Variants in GRK3 observed in about 807,000 individuals in gnomAD.
GRK3 encodes adrenergic, beta, receptor kinase 2.
Under a neutral mutation model 95.7 loss-of-function variants are expected in GRK3, and 54 were observed. That is an observed-to-expected ratio of 0.56 (90% CI 0.45 to 0.71). GRK3 has a LOEUF of 0.71. Ranked by LOEUF, GRK3 falls within the 30% of genes least tolerant of loss-of-function variation. The pLI is 0.00. For missense variants in GRK3, 649 were observed against 851.2 expected (o/e 0.76, Z 2.96); for synonymous variants, 281 against 290.8 (o/e 0.97, Z 0.34).
At chr22:25,658,705 A>G (rs1328514179) in intron 3 of GRK3, among the ~76,000 whole-genome samples, 2 of 152,174 alleles carry the variant, frequency 1.3e-5, no homozygotes, top group African/African-American at 2.4e-5. Context: ...AGTTTGTGTT[A>G]TATTTTGAAT....
Position 25,697,656 on chromosome 22 carries a change from A to G in GRK3, c.1160+2442A>G, listed in dbSNP as rs186633830. ...CCGTCTTGTTGAAGGGATCATATGC[A>G]TGCTGTGTAACTCCAGAGGGATGCA... On this transcript the variant is annotated intron_variant, in intron 13 of 20. Coordinates refer to ENST00000324198, the MANE Select transcript of GRK3 (RefSeq NM_005160.4). Among the ~76,000 whole-genome samples, 4 of 152,220 alleles carry G rather than the reference A, an allele frequency of 2.6e-5. No individual in the cohort carries two copies. The South Asian group carries it at 8.3e-4, about 32-fold the overall frequency.
rs550166515 is a variant in GRK3 at position 25,638,618 on chromosome 22, A to G, written c.191-5974A>G. ...GGGTTATAGTTTTCCCTTGACTTTAATCACAGGCCATAGTAATAGTGGGGG... is the reference window on the plus strand; with the variant it reads ...GGGTTATAGTTTTCCCTTGACTTTAGTCACAGGCCATAGTAATAGTGGGGG... On this transcript the variant is annotated intron_variant, in intron 2 of 20. Coordinates refer to ENST00000324198, the MANE Select transcript of GRK3 (RefSeq NM_005160.4). Among the ~76,000 whole-genome samples the G allele has an allele frequency of 2.0e-5, 3 of 152,304 alleles. No individual in the cohort carries two copies. In the East Asian group the frequency reaches 5.8e-4, roughly 29 times the overall value.
At chr22:25,660,218 C>T (rs990656683) in intron 3 of GRK3, among the ~76,000 whole-genome samples, 2 of 152,202 alleles carry the variant, frequency 1.3e-5, no homozygotes, top group African/African-American at 2.4e-5. Context: ...TACTTTGCAG[C>T]TACCATATTC....
At chr22:25,693,862 C>T (rs1259089116) in intron 12 of GRK3, among the ~76,000 whole-genome samples, 1 of 150,870 alleles carries the variant, frequency 6.6e-6, no homozygotes, top group Non-Finnish European at 1.5e-5. Context: ...TCACCATAAC[C>T]TCTGCCTCTG....
intron 9 of GRK3, chr22:25,684,426 C>T (rs2085097855): frequency 6.6e-6 from 1 of 152,202 alleles, no homozygotes; most frequent in Admixed American, 6.5e-5. Flanking sequence ...ATTAGGGGAA[C>T]ACTGAAATCT....
At chr22:25,612,851 A>G (rs1476871545) in intron 2 of GRK3, among the ~76,000 whole-genome samples, 1 of 127,004 alleles carries the variant, frequency 7.9e-6, no homozygotes, top group Non-Finnish European at 1.6e-5. Flanking sequence ...TCTAAAAGTT[A>G]AAAAAAAAAA....
chr22:25,680,919 C>T (rs1270477567), intron 9 of GRK3, among the ~76,000 whole-genome samples: 1 of 151,332 alleles, frequency 6.6e-6, no homozygotes, highest in Non-Finnish European at 1.5e-5. Context: ...GAAATGCATT[C>T]ACTCACCACA....
At chr22:25,687,797 A>C in intron 11 of GRK3, 130 bp downstream of exon 11, 1 of 997,552 alleles carries the variant, frequency 1.0e-6, no homozygotes, top group Non-Finnish European at 1.5e-6. Context: ...TGAAGTCATT[A>C]GCTATATGAC....
In GRK3 at chr22:25,594,532, G is replaced by T. The variant is rs6004714; in HGVS notation, c.114-9845G>T. On this transcript the variant is annotated intron_variant, in intron 1 of 20. Transcript: ENST00000324198. Reference sequence around the variant, plus strand: ...GATCAGGTAGGCTTCATTCCTGGGAGGCAAGGTTGGTTCAACATATGCAAA... The same window carrying T: ...GATCAGGTAGGCTTCATTCCTGGGATGCAAGGTTGGTTCAACATATGCAAA... Among the ~76,000 whole-genome samples, 659 of 152,250 alleles carry T rather than the reference G, an allele frequency of 4.3e-3. 3 individuals carry two copies. Among genetic ancestry groups the T allele is most frequent in the African/African-American group, 0.015 (620 of 41,526 alleles).
At chr22:25,721,457 C>T in intron 20 of GRK3, 60 bp downstream of exon 20, 1 of 950,694 alleles carries the variant, frequency 1.1e-6, no homozygotes, top group Non-Finnish European at 1.7e-6. Context: ...GCAAAGTTGA[C>T]TGCCTGTCTA....
At chr22:25,665,674 T>C (rs2084937057) in intron 5 of GRK3, among the ~76,000 whole-genome samples, 1 of 151,930 alleles carries the variant, frequency 6.6e-6, no homozygotes, top group South Asian at 2.1e-4. Context: ...AAGGAGTATA[T>C]TAATGCAATT....
chr22:25,593,974 G>T (rs1466376038), intron 1 of GRK3, among the ~76,000 whole-genome samples: 1 of 152,142 alleles, frequency 6.6e-6, no homozygotes, highest in Non-Finnish European at 1.5e-5. Context: ...GTCTGTTTCT[G>T]TATCAGCACT....
At chr22:25,675,561 C>T (rs1372737726) in intron 8 of GRK3, among the ~76,000 whole-genome samples, 1 of 152,032 alleles carries the variant, frequency 6.6e-6, no homozygotes, top group African/African-American at 2.4e-5. Context: ...GGTTAAGTGC[C>T]AGGCATGTTA....
chr22:25,574,942 C>A (rs1055871186), intron 1 of GRK3, among the ~76,000 whole-genome samples: 4 of 152,062 alleles, frequency 2.6e-5, no homozygotes, highest in African/African-American at 7.2e-5. Flanking sequence ...GTTTTTTATG[C>A]AAAACATCCC....
chr22:25,683,449 C>T (rs137958734), intron 9 of GRK3, among the ~76,000 whole-genome samples: 10 of 152,306 alleles, frequency 6.6e-5, no homozygotes, highest in Admixed American at 1.3e-4. Flanking sequence ...TAGATATCAC[C>T]AAATGGGTTG....
chr22:25,605,523 T>A (rs1179034888), intron 2 of GRK3, among the ~76,000 whole-genome samples: 1 of 152,166 alleles, frequency 6.6e-6, no homozygotes, highest in Non-Finnish European at 1.5e-5. Context: ...AAAAAGGAAT[T>A]ATCTTTTTAT....
rs1283157305 is a variant in GRK3, at chr22:25,728,747, G to A, written c.*6297G>A. On this transcript the variant is annotated 3_prime_UTR_variant, in exon 21 of 21. Coordinates refer to ENST00000324198, the MANE Select transcript of GRK3 (RefSeq NM_005160.4). ...CACTATTTCAAAATGGTTTTGAAAT[G>A]GGGTCTTAAAGGTAAGCGCCCTCAT... 1 of 152,140 alleles carries A rather than the reference G, an allele frequency of 6.6e-6. No individual in the cohort carries two copies. Among genetic ancestry groups the A allele is most frequent in the African/African-American group, 2.4e-5 (1 of 41,438 alleles). The allele number at this position is 152,140 out of a possible 1,614,324, so 9.4% of individuals were successfully genotyped here.
In GRK3 at chr22:25,680,751, A is replaced by T. The variant is rs542124478; in HGVS notation, c.747+1836A>T. The stretch of plus-strand genomic sequence containing the variant: ...TTTAAAATTTATAAATGCATAATTT[A>T]ACAAAAATAATTATAGTAAAGTTAT... On this transcript the variant is annotated intron_variant, in intron 9 of 20. Transcript: ENST00000324198. Among the ~76,000 whole-genome samples the T allele has an allele frequency of 3.3e-5, 5 of 152,354 alleles. No individual in the cohort carries two copies. In the East Asian group the frequency reaches 9.6e-4, roughly 29 times the overall value.
At chr22:25,670,513 A>G (rs1019134933) in intron 6 of GRK3, among the ~76,000 whole-genome samples, 4 of 151,988 alleles carry the variant, frequency 2.6e-5, no homozygotes, top group African/African-American at 9.7e-5. Context: ...AAAGAAAAAA[A>G]AAAATTGTAA....
Sources: gnomAD v4.1 joint callset for allele counts (sites outside exome capture counted in the v4.1 genomes callset) on GRCh38, gnomAD v4.1.1 for gene constraint, MANE v1.5 for transcripts, NCBI Gene and HGNC (gene_info 2026-07-23, HGNC 2026-07-21) for gene names.